The following TPRG1 variants were observed in gnomAD, a reference collection of about 807,000 sequenced individuals.
TPRG1 encodes the protein tumor protein p63-regulated gene 1 protein.
TPRG1 carries 29 observed loss-of-function variants against 29.3 expected under a neutral mutation model. The ratio of observed to expected loss-of-function variants is 0.99; its 90% confidence interval spans 0.74 to 1.35. The LOEUF is 1.35. TPRG1 is among the 40% of genes most tolerant of loss of function. TPRG1 has a pLI of 0.00. For missense variants in TPRG1, 327 were observed against 335.0 expected (o/e 0.98, Z 0.19); for synonymous variants, 130 against 116.8 (o/e 1.11, Z -0.73).
intron 3 of TPRG1, among the ~76,000 whole-genome samples, chr3:189,022,747 A>G (rs929187184): frequency 4.5e-4 from 68 of 152,356 alleles, no homozygotes; most frequent in Admixed American, 1.2e-3. Context: ...GAGCTGTGGC[A>G]GGCTCCACCC....
At chr3:188,999,784 G>T (rs6768407) in intron 1 of TPRG1, among the ~76,000 whole-genome samples, 6,471 of 151,862 alleles carry the variant, frequency 0.043, 446 homozygotes, top group African/African-American at 0.15. Context: ...ATATTTAGAT[G>T]ATTTCTAATG....
In TPRG1 at chr3:189,314,713, T is replaced by C. The variant is rs529013075; in HGVS notation, c.633+4174T>C. Among the ~76,000 whole-genome samples, 43 of 152,316 alleles carry C rather than the reference T, an allele frequency of 2.8e-4. 1 individual carries two copies. In the South Asian group the frequency reaches 8.7e-3, roughly 31 times the overall value. On this transcript the variant is annotated intron_variant, in intron 5 of 5. Transcript: ENST00000345063. The stretch of plus-strand genomic sequence containing the variant: ...TGAGACATAAAAATATCTAGTATAC[T>C]ATTATATAGTTATACTTTATATCTA...
At chr3:189,134,331 G>A (rs1442433560) in intron 3 of TPRG1, among the ~76,000 whole-genome samples, 1 of 150,448 alleles carries the variant, frequency 6.6e-6, no homozygotes, top group Non-Finnish European at 1.5e-5. Flanking sequence ...CATTACTAAC[G>A]TTATCTTTCA....
chr3:189,047,692 G>C (rs1020989644), intron 4 of TPRG1, among the ~76,000 whole-genome samples: 1 of 152,184 alleles, frequency 6.6e-6, no homozygotes, highest in African/African-American at 2.4e-5. Flanking sequence ...CTAAGTTTAT[G>C]TAATAGTTTA....
chr3:189,061,878 C>A (rs1716132328), intron 4 of TPRG1, among the ~76,000 whole-genome samples: 5 of 151,776 alleles, frequency 3.3e-5, no homozygotes, highest in Admixed American at 2.6e-4. Flanking sequence ...AGCAGTGGGG[C>A]AATTCCACAA....
At chr3:189,251,286 T>G (rs189762694) in intron 4 of TPRG1, among the ~76,000 whole-genome samples, 3 of 152,254 alleles carry the variant, frequency 2.0e-5, no homozygotes, top group African/African-American at 4.8e-5. Flanking sequence ...CAGTTTGCCT[T>G]TGGCTTAATA....
At chr3:189,132,094 G>C (rs1723170994) in intron 2 of TPRG1, among the ~76,000 whole-genome samples, 1 of 152,060 alleles carries the variant, frequency 6.6e-6, no homozygotes, top group South Asian at 2.1e-4. Context: ...TGAACTTCTG[G>C]GAAAAGGACA....
intron 4 of TPRG1, among the ~76,000 whole-genome samples, chr3:189,063,283 G>A (rs948648539): frequency 2.6e-5 from 4 of 152,046 alleles, no homozygotes; most frequent in Non-Finnish European, 5.9e-5. Flanking sequence ...TTTGCAAGGA[G>A]AAATAGGTAA....
intron 3 of TPRG1, among the ~76,000 whole-genome samples, chr3:189,012,027 T>C (rs1164806253): frequency 1.3e-5 from 2 of 152,210 alleles, no homozygotes; most frequent in Non-Finnish European, 2.9e-5. Context: ...TTGAAAAGCC[T>C]TTGGGCTGAG....
chr3:189,280,504 T>C (rs944796063), intron 4 of TPRG1, among the ~76,000 whole-genome samples: 1 of 152,166 alleles, frequency 6.6e-6, no homozygotes, highest in Non-Finnish European at 1.5e-5. Flanking sequence ...TCTTTCCTAC[T>C]TTATCTTGTA....
At chr3:189,164,272 C>T (rs1385769375) in intron 5 of TPRG1, among the ~76,000 whole-genome samples, 1 of 152,118 alleles carries the variant, frequency 6.6e-6, no homozygotes. Flanking sequence ...AAGCGATTCT[C>T]CTGCCTTAGC....
At chr3:189,310,334 T>C in intron 4 of TPRG1, 52 bp from the exon 5 acceptor site, 1 of 1,492,290 alleles carries the variant, frequency 6.7e-7, no homozygotes, top group South Asian at 1.4e-5. Flanking sequence ...TTCTATTTTT[T>C]TTTTTTTGGA....
intron 4 of TPRG1, among the ~76,000 whole-genome samples, chr3:189,292,617 C>T (rs540244174): frequency 1.3e-5 from 2 of 152,168 alleles, no homozygotes; most frequent in Admixed American, 1.3e-4. Context: ...CTCTTCTTCC[C>T]TACTCTTCAA....
At chr3:189,155,495 C>A (rs1265343279) in intron 5 of TPRG1, among the ~76,000 whole-genome samples, 1 of 151,886 alleles carries the variant, frequency 6.6e-6, no homozygotes, top group South Asian at 2.1e-4. Context: ...CCTATATAAA[C>A]ATAAGGGTCC....
chr3:189,168,657 A>G (rs990030874), upstream of TPRG1, among the ~76,000 whole-genome samples: 1 of 152,198 alleles, frequency 6.6e-6, no homozygotes, highest in African/African-American at 2.4e-5. Flanking sequence ...ATTGGAACGC[A>G]AGAGAAGGGG....
At chr3:189,081,159 C>T (rs1651700445) in intron 4 of TPRG1, among the ~76,000 whole-genome samples, 2 of 151,932 alleles carry the variant, frequency 1.3e-5, no homozygotes, top group Admixed American at 1.3e-4. Context: ...ATGGACAAAT[C>T]AAGGAAAATG....
chr3:189,321,074 C>A lies in TPRG1; in HGVS notation c.*254C>A. 1 of 262,036 alleles carries A rather than the reference C, an allele frequency of 3.8e-6. No individual in the cohort carries two copies. Among genetic ancestry groups the A allele is most frequent in the Non-Finnish European group, 7.1e-6 (1 of 140,550 alleles). The allele number at this position is 262,036 out of a possible 1,614,324, so 16.2% of individuals were successfully genotyped here. On this transcript the variant is annotated 3_prime_UTR_variant, in exon 6 of 6. Coordinates refer to ENST00000345063, the MANE Select transcript of TPRG1 (RefSeq NM_198485.4). ...TGCTGAGCCTATCAAATACTGTTAT[C>A]AAATGAGTGCCTGATCATCAACTCA...
chr3:189,128,599 G>A (rs569021217), intron 2 of TPRG1, among the ~76,000 whole-genome samples: 14 of 152,162 alleles, frequency 9.2e-5, no homozygotes, highest in South Asian at 4.1e-4. Context: ...TATAATTTTC[G>A]AAGTGCCCTC....
At chr3:189,091,210 AC>A (rs1176837525) in intron 4 of TPRG1, among the ~76,000 whole-genome samples, 2 of 151,578 alleles carry the variant, frequency 1.3e-5, no homozygotes, top group Admixed American at 6.6e-5. Flanking sequence ...TGTTCTCTCC[AC>A]CCCCTTTCTT....
Sources: allele counts gnomAD v4.1 joint callset (sites outside exome capture counted in the v4.1 genomes callset), GRCh38; gene constraint gnomAD v4.1.1; transcripts MANE v1.5; gene names NCBI Gene and HGNC (gene_info 2026-07-23, HGNC 2026-07-21).